The following ARL15 variants were observed in gnomAD, a reference collection of about 807,000 sequenced individuals.
ARL15 encodes ARF like GTPase 15.
ARL15 carries 19 observed loss-of-function variants against 25.2 expected under a neutral mutation model. The observed-to-expected ratio is 0.75, with a 90% confidence interval of 0.53 to 1.10. The LOEUF is 1.10. ARL15 is among the 50% of genes least tolerant of loss of function. ARL15 has a pLI of 0.00. For synonymous variants in ARL15, 94 were observed against 86.8 expected, an observed-to-expected ratio of 1.08 and a Z score of -0.46; for missense variants, 220 against 246.0, an observed-to-expected ratio of 0.89 and a Z score of 0.71.
At position 53,987,410 on chromosome 5, in the gene ARL15, A is replaced by G. The variant is rs557116045; in HGVS notation, c.463-100697T>C. ...CATAATTTGCAGAAAAGGCTCACACATGCATGCGCACAGGCCCAATCCTTT... is the reference window on the plus strand; with the variant it reads ...CATAATTTGCAGAAAAGGCTCACACGTGCATGCGCACAGGCCCAATCCTTT... On this transcript the variant is annotated intron_variant, in intron 4 of 4. Coordinates refer to ENST00000504924, the MANE Select transcript of ARL15 (RefSeq NM_019087.3). Among the ~76,000 whole-genome samples, 300 of 151,098 alleles carry G rather than the reference A, an allele frequency of 2.0e-3. 1 individual carries two copies. The highest frequency in any genetic ancestry group is 7.0e-3 in the African/African-American group (288 of 41,110).
chr5:54,270,873 C>T (rs879940628), intron 1 of ARL15, among the ~76,000 whole-genome samples: 4 of 152,166 alleles, frequency 2.6e-5, no homozygotes, highest in Admixed American at 6.5e-5. Context: ...TGAGTCTGAG[C>T]GGACTAGGTG....
At chr5:53,912,418 A>G (rs1266009415) in intron 4 of ARL15, among the ~76,000 whole-genome samples, 1 of 152,174 alleles carries the variant, frequency 6.6e-6, no homozygotes, top group African/African-American at 2.4e-5. Context: ...ACGAAATGAA[A>G]TCCAACAGTA....
At chr5:53,906,630 T>C (rs758322754) in intron 4 of ARL15, among the ~76,000 whole-genome samples, 9 of 152,196 alleles carry the variant, frequency 5.9e-5, no homozygotes, top group African/African-American at 1.9e-4. Context: ...CTAACACTCA[T>C]GGAGGAATTG....
intron 1 of ARL15, among the ~76,000 whole-genome samples, chr5:54,208,553 A>G (rs1021021361): frequency 4.6e-5 from 7 of 152,214 alleles, no homozygotes; most frequent in Admixed American, 1.3e-4. Flanking sequence ...GATCAAAACA[A>G]TGATGCTGCT....
chr5:54,113,250 T>C lies in ARL15; in HGVS notation c.414A>G (p.Leu138=). 1 of 1,613,872 alleles carries C rather than the reference T, an allele frequency of 6.2e-7. No homozygotes were observed. The highest frequency in any genetic ancestry group is 1.1e-5 in the South Asian group (1 of 91,074). ...GCTTGTCTTGATGATTGGCCAATAT[T>C]AAAAAGGGTAAAGTGCATAACTGTG... ...QHPQLCTLPF[L]ILANHQDKPA... Residue 138 remains leucine (L), a synonymous_variant, in exon 4 of 5, where the codon TTA becomes TTG. Coordinates refer to ENST00000504924, the MANE Select transcript of ARL15 (RefSeq NM_019087.3).
intron 3 of ARL15, among the ~76,000 whole-genome samples, chr5:54,141,041 T>C (rs1753764437): frequency 6.6e-6 from 1 of 152,106 alleles, no homozygotes; most frequent in Non-Finnish European, 1.5e-5. Flanking sequence ...ACCAAAATGG[T>C]TGGGAAGAAA....
At chr5:53,900,017 T>A (rs950412544) in intron 4 of ARL15, among the ~76,000 whole-genome samples, 6 of 152,156 alleles carry the variant, frequency 3.9e-5, no homozygotes, top group African/African-American at 1.4e-4. Flanking sequence ...AACTCAGCAA[T>A]CCCTTCTAGT....
intron 3 of ARL15, among the ~76,000 whole-genome samples, chr5:54,148,664 A>G (rs2112332494): frequency 6.6e-6 from 1 of 152,292 alleles, no homozygotes; most frequent in Middle Eastern, 3.4e-3. Flanking sequence ...CTCAATGTCA[A>G]TTGCGAAGAC....
intron 1 of ARL15, among the ~76,000 whole-genome samples, chr5:54,206,491 T>C (rs898676667): frequency 2.6e-5 from 4 of 152,188 alleles, no homozygotes; most frequent in Non-Finnish European, 5.9e-5. Flanking sequence ...TACCAGATTG[T>C]ATACCGTTAT....
intron 4 of ARL15, among the ~76,000 whole-genome samples, chr5:53,924,841 A>G (rs1002934776): frequency 2.0e-5 from 3 of 152,218 alleles, no homozygotes; most frequent in Admixed American, 6.5e-5. Flanking sequence ...CTTATCAAAT[A>G]CAATGTAATT....
chr5:54,123,763 C>T (rs1377832227), intron 3 of ARL15, among the ~76,000 whole-genome samples: 1 of 152,188 alleles, frequency 6.6e-6, no homozygotes, highest in Non-Finnish European at 1.5e-5. Flanking sequence ...TGCCAACCTT[C>T]TATCTTATGC....
chr5:53,963,448 T>G (rs548377430), intron 4 of ARL15, among the ~76,000 whole-genome samples: 3 of 152,174 alleles, frequency 2.0e-5, no homozygotes, highest in Non-Finnish European at 2.9e-5. Context: ...TTCACCCAAT[T>G]TTATGAATTT....
At chr5:54,091,914 C>T (rs1488816096) in intron 4 of ARL15, among the ~76,000 whole-genome samples, 1 of 152,150 alleles carries the variant, frequency 6.6e-6, no homozygotes, top group Non-Finnish European at 1.5e-5. Flanking sequence ...CAGCCTCTGC[C>T]TTTCTGGGCT....
intron 1 of ARL15, among the ~76,000 whole-genome samples, chr5:54,305,118 C>A (rs899824916): frequency 6.6e-6 from 1 of 152,120 alleles, no homozygotes; most frequent in Non-Finnish European, 1.5e-5. Context: ...GCAGATACAG[C>A]CTATAACCAA....
At chr5:54,165,627 C>A (rs1428162631) in intron 2 of ARL15, among the ~76,000 whole-genome samples, 1 of 148,084 alleles carries the variant, frequency 6.8e-6, no homozygotes, top group Non-Finnish European at 1.5e-5. Context: ...AAGGTATTTT[C>A]TTTGTACTAC....
At chr5:53,988,263 G>A (rs1748361499) in intron 4 of ARL15, among the ~76,000 whole-genome samples, 1 of 150,778 alleles carries the variant, frequency 6.6e-6, no homozygotes, top group African/African-American at 2.4e-5. Flanking sequence ...TTGTGCCACT[G>A]CACTCCAGCC....
At chr5:54,124,508 T>C (rs1346820967) in intron 3 of ARL15, among the ~76,000 whole-genome samples, 1 of 152,256 alleles carries the variant, frequency 6.6e-6, no homozygotes, top group Non-Finnish European at 1.5e-5. Flanking sequence ...CTTTGGTTTG[T>C]ATTCTTCAAG....
intron 1 of ARL15, among the ~76,000 whole-genome samples, chr5:54,200,571 G>A (rs911048404): frequency 4.6e-5 from 7 of 151,756 alleles, no homozygotes; most frequent in African/African-American, 7.2e-5. Flanking sequence ...GTTACACCAG[G>A]AAGGATAATA....
intron 4 of ARL15, among the ~76,000 whole-genome samples, chr5:53,912,799 C>T (rs961642863): frequency 1.3e-5 from 2 of 152,196 alleles, no homozygotes; most frequent in African/African-American, 2.4e-5. Context: ...CAACAGGAAC[C>T]TACTACATGC....
Sources: allele counts gnomAD v4.1 joint callset (sites outside exome capture counted in the v4.1 genomes callset), GRCh38; gene constraint gnomAD v4.1.1; transcripts MANE v1.5; gene names NCBI Gene and HGNC (gene_info 2026-07-23, HGNC 2026-07-21).